Variants in FAM83H observed in about 807,000 individuals in gnomAD.
The protein encoded by FAM83H is scaffolding CK1 anchoring protein H.
A neutral mutation model predicts 30.2 loss-of-function variants in FAM83H; 24 were observed. That is an observed-to-expected ratio of 0.79 (90% confidence interval 0.57 to 1.12). The LOEUF is 1.12. Ranked by LOEUF, FAM83H falls within the 50% of genes most tolerant of loss-of-function variation. The pLI is 0.00. For synonymous variants in FAM83H, 1,013 were observed against 821.7 expected (o/e 1.23, Z -3.98); for missense variants, 2,038 against 1,773.9 (o/e 1.15, Z -2.67).
At chr8:143,730,633 G>T in intron 1 of FAM83H, 36 bp from the exon 2 acceptor site, 3 of 1,399,184 alleles carry the variant, frequency 2.1e-6, no homozygotes, top group Admixed American at 2.3e-5. Flanking sequence ...TAGGGGTGGG[G>T]GCACTGGGAC....
intron 1 of FAM83H, chr8:143,732,286 C>T: frequency 1.0e-6 from 1 of 985,390 alleles, no homozygotes; most frequent in Non-Finnish European, 1.2e-6. Flanking sequence ...GGGCACCGTC[C>T]TCATGGTTGA....
At position 143,730,445 on chromosome 8, in the gene FAM83H, G is replaced by A. The variant is rs1554624166; in HGVS notation, c.138C>T (p.Phe46=). The change falls in exon 2 of 5, where the codon TTC becomes TTT. Residue 46 remains phenylalanine, a synonymous_variant. Transcript: ENST00000388913. ...AGTCTGGTGCCCCCTCGGTAGCGAG[G>A]AAGCGGCTGTAGGCCTCCGAGCCAC... The part of the protein sequence containing the change: ...AEGGSEAYSR[F]LATEGAPDFL... The A allele has an allele frequency of 1.9e-6, 3 of 1,612,102 alleles. No individual in the cohort carries two copies. Among genetic ancestry groups the A allele is most frequent in the Admixed American group, 3.3e-5 (2 of 60,006 alleles).
rs781949444 is a variant in FAM83H at position 143,726,441 on chromosome 8, C to T, written c.3020G>A (p.Gly1007Asp). Residue 1007 changes from glycine to aspartate, a missense_variant, in exon 5 of 5, where the codon GGT becomes GAT. Gly to Asp is a moderately conservative substitution (Grantham distance 94, BLOSUM62 -1). Coordinates refer to ENST00000388913, the MANE Select transcript of FAM83H (RefSeq NM_198488.5). ...ESPRRLSLGQ[G>D]DSTEAATEER... is the part of the protein sequence containing the mutation. ...TTCTGTGGCAGCCTCCGTGCTGTCA[C>T]CCTGGCCCAGTGACAGACGCCGCGG... is the stretch of plus-strand genomic sequence containing the variant. 4 of 1,602,858 alleles carry T rather than the reference C, an allele frequency of 2.5e-6. No homozygotes were observed. The African/African-American group carries it at 4.0e-5, about 16-fold the overall frequency.
In FAM83H at chr8:143,726,990, C is replaced by T. The variant is rs1554622223; in HGVS notation, c.2471G>A (p.Gly824Asp). 1.3e-6 allele frequency: 2 copies of T among 1,593,892 alleles called. No individual in the cohort carries two copies. The highest frequency in any genetic ancestry group is 1.3e-5 in the African/African-American group (1 of 74,554). The change falls in exon 5 of 5, where the codon GGC (glycine) becomes GAC (aspartate). Residue 824 changes from glycine (G) to aspartate (D), a missense_variant. By Grantham distance (94) the Gly-to-Asp change is moderately conservative. Coordinates refer to ENST00000388913, the MANE Select transcript of FAM83H (RefSeq NM_198488.5). ...LTAAQLLDTL[G>D]RSGSDRLPSR... is the part of the protein sequence containing the mutation. ...AGGCAGGCGGTCGGAGCCGCTCCGG[C>T]CCAGTGTGTCGAGCAGCTGCGCCGC...
At position 143,727,434 on chromosome 8, in the gene FAM83H, A is replaced by G; in HGVS notation, c.2027T>C (p.Val676Ala). 6.4e-7 allele frequency: 1 copy of G among 1,572,356 alleles called. No individual in the cohort carries two copies. Residue 676 changes from valine to alanine, a missense_variant, in exon 5 of 5, where the codon GTC becomes GCC. Transcript: ENST00000388913. The part of the protein sequence containing the change: ...DSFRSRLNPL[V>A]QRSSRLRSSL... ...GGAGCGCAGCCTGGAGCTGCGCTGGACCAGGGGGTTCAGGCGCGAGCGGAA... is the reference window on the plus strand; with the variant it reads ...GGAGCGCAGCCTGGAGCTGCGCTGGGCCAGGGGGTTCAGGCGCGAGCGGAA...
Position 143,726,431 on chromosome 8 carries a change from C to T in FAM83H, c.3030G>A (p.Thr1010=), listed in dbSNP as rs372968379. The T allele has an allele frequency of 5.6e-6, 9 of 1,602,892 alleles. No individual in the cohort carries two copies. Among genetic ancestry groups the T allele is most frequent in the East Asian group, 2.2e-5 (1 of 44,642 alleles). ...GACCCCGCTCTTCTGTGGCAGCCTC[C>T]GTGCTGTCACCCTGGCCCAGTGACA... ...RRLSLGQGDS[T]EAATEERGPR... is the part of the protein sequence containing the mutation. Residue 1010 remains threonine, a synonymous_variant, in exon 5 of 5, where the codon ACG becomes ACA. Coordinates refer to ENST00000388913, the MANE Select transcript of FAM83H (RefSeq NM_198488.5).
rs990521598 is a variant in FAM83H, at chr8:143,727,052, C to T, written c.2409G>A (p.Gln803=). Residue 803 remains glutamine, a synonymous_variant, in exon 5 of 5, where the codon CAG becomes CAA. Coordinates refer to ENST00000388913, the MANE Select transcript of FAM83H (RefSeq NM_198488.5). The part of the protein sequence containing the change: ...LRDSFAQQLH[Q]EAERQPGAAS... ...CGGCTCCCGGCTGCCGCTCCGCCTCCTGGTGCAGCTGCTGTGCAAAGGAGT... is the reference window on the plus strand; with the variant it reads ...CGGCTCCCGGCTGCCGCTCCGCCTCTTGGTGCAGCTGCTGTGCAAAGGAGT... 1.9e-5 allele frequency: 29 copies of T among 1,549,922 alleles called. No individual in the cohort carries two copies. The highest frequency in any genetic ancestry group is 2.5e-5 in the Non-Finnish European group (29 of 1,153,594).
chr8:143,732,347 G>A (rs1308329452), intron 1 of FAM83H: 19 of 985,304 alleles, frequency 1.9e-5, no homozygotes, highest in Admixed American at 6.1e-5. Context: ...GGGGCAGATC[G>A]AGGCCAACCA....
rs371289649 is a variant in FAM83H, at chr8:143,728,122, G to C, written c.1339C>G (p.His447Asp). 3.1e-6 allele frequency: 5 copies of C among 1,610,720 alleles called. No individual in the cohort carries two copies. Among genetic ancestry groups the C allele is most frequent in the Non-Finnish European group, 3.4e-6 (4 of 1,179,284 alleles). ...HGDDFRFQTSHFHRDQLYQQQ... is the reference protein window; with the variant it reads ...HGDDFRFQTSDFHRDQLYQQQ... ...TGGTAGAGCTGGTCACGGTGGAAGTGGCTGGTCTGGAAGCGGAAGTCGTCG... is the reference window on the plus strand; with the variant it reads ...TGGTAGAGCTGGTCACGGTGGAAGTCGCTGGTCTGGAAGCGGAAGTCGTCG... The change falls in exon 5 of 5, where the codon CAC becomes GAC. Residue 447 changes from histidine to aspartate, a missense_variant. By Grantham distance (81) the His-to-Asp change is moderately conservative (BLOSUM62 -1). Transcript: ENST00000388913.
At position 143,725,022 on chromosome 8, in the gene FAM83H, C is replaced by G. The variant is rs984238528; in HGVS notation, c.*899G>C. 6.7e-6 allele frequency: 1 copy of G among 149,816 alleles called. No individual in the cohort carries two copies. The highest frequency in any genetic ancestry group is 2.5e-5 in the African/African-American group (1 of 40,476). 9.3% of individuals were successfully genotyped at this position (149,816 alleles called of 1,614,324 possible). A position where few individuals can be genotyped will look rare whatever the true frequency, so the allele number is the denominator to read the frequency against. On this transcript the variant is annotated 3_prime_UTR_variant, in exon 5 of 5. Coordinates refer to ENST00000388913, the MANE Select transcript of FAM83H (RefSeq NM_198488.5). ...CTCCCCCCCCCCTGCCCCACCCACC[C>G]CTTGCAAACTGCCCGCAGCCAGCCC...
In FAM83H at chr8:143,728,610, A is replaced by G. The variant is rs1554623534; in HGVS notation, c.851T>C (p.Leu284Pro). 3.1e-6 allele frequency: 5 copies of G among 1,609,292 alleles called. No individual in the cohort carries two copies. Among genetic ancestry groups the G allele is most frequent in the Admixed American group, 3.3e-5 (2 of 59,718 alleles). The stretch of plus-strand genomic sequence containing the variant: ...GGCCAGGGCCGCGGCCGAGGGCACA[A>G]GCGGCTCGGACTGCGCGAAGAGGAT... Reference protein sequence around the residue: ...FRILFAQSEPLVPSAAALARM... With the variant: ...FRILFAQSEPPVPSAAALARM... The change falls in exon 5 of 5, where the codon CTT becomes CCT. Residue 284 changes from leucine (L) to proline (P), a missense_variant. Coordinates refer to ENST00000388913, the MANE Select transcript of FAM83H (RefSeq NM_198488.5).
Position 143,726,188 on chromosome 8 carries a change from T to C in FAM83H, c.3273A>G (p.Ser1091=). Residue 1091 remains serine, a synonymous_variant, in exon 5 of 5, where the codon TCA becomes TCG. Coordinates refer to ENST00000388913, the MANE Select transcript of FAM83H (RefSeq NM_198488.5). ...CCAAGCTGTCCGAGCGGAAGATGGC[T>C]GAACACTTGTCCTTGTCGGACATAT... The part of the protein sequence containing the change: ...APDMSDKDKC[S]AIFRSDSLGT... The C allele has an allele frequency of 6.2e-7, 1 of 1,612,368 alleles. No individual in the cohort carries two copies. Among genetic ancestry groups the C allele is most frequent in the Non-Finnish European group, 8.5e-7 (1 of 1,179,758 alleles).
In FAM83H at chr8:143,724,184, C is replaced by T. The variant is rs1554620808; in HGVS notation, c.*1737G>A. On this transcript the variant is annotated 3_prime_UTR_variant, in exon 5 of 5. Coordinates refer to ENST00000388913, the MANE Select transcript of FAM83H (RefSeq NM_198488.5). ...CTTCCAGGCACCTTTCCCACCTGGC[C>T]AGAAGTCCCTGCTGTCATCCCGACT... 1.3e-5 allele frequency: 2 copies of T among 152,204 alleles called. No homozygotes were observed. The highest frequency in any genetic ancestry group is 4.8e-5 in the African/African-American group (2 of 41,426). The allele number at this position is 152,204 out of a possible 1,614,324, so 9.4% of individuals were successfully genotyped here. A position where few individuals can be genotyped will look rare whatever the true frequency, so the allele number is the denominator to read the frequency against.
rs782089523 is a variant in FAM83H at position 143,726,918 on chromosome 8, A to G, written c.2543T>C (p.Leu848Pro). The G allele has an allele frequency of 2.5e-6, 4 of 1,612,224 alleles. No homozygotes were observed. The highest frequency in any genetic ancestry group is 2.5e-6 in the Non-Finnish European group (3 of 1,179,774). The change falls in exon 5 of 5, where the codon CTG (leucine) becomes CCG (proline). Residue 848 changes from leucine (L) to proline (P), a missense_variant. Transcript: ENST00000388913. ...AQSHSTSPQG[L>P]DSPLPLEGSG... ...CCCTTCCAGCGGCAGAGGGCTGTCC[A>G]GCCCTTGCGGGGACGTTGAGTGGCT...
chr8:143,732,138 G>A, intron 1 of FAM83H: 1 of 985,442 alleles, frequency 1.0e-6, no homozygotes, highest in Non-Finnish European at 1.2e-6. Context: ...GGCTGAGAAT[G>A]TTGGGGTCAG....
rs782674498 is a variant in FAM83H at position 143,726,817 on chromosome 8, G to A, written c.2644C>T (p.Pro882Ser). 3 of 1,612,868 alleles carry A rather than the reference G, an allele frequency of 1.9e-6. No homozygotes were observed. The highest frequency in any genetic ancestry group is 2.5e-6 in the Non-Finnish European group (3 of 1,179,910). Residue 882 changes from proline to serine, a missense_variant, in exon 5 of 5, where the codon CCC (proline) becomes TCC (serine). Coordinates refer to ENST00000388913, the MANE Select transcript of FAM83H (RefSeq NM_198488.5). ...TSAYPERKGSPTPGFSTRRGS... is the reference protein window; with the variant it reads ...TSAYPERKGSSTPGFSTRRGS... Reference sequence around the variant, plus strand: ...CTTCGAGTGGAAAACCCAGGCGTGGGGCTCCCCTTCCGCTCAGGGTAAGCC... The same window carrying A: ...CTTCGAGTGGAAAACCCAGGCGTGGAGCTCCCCTTCCGCTCAGGGTAAGCC...
rs782294305 is a variant in FAM83H, at chr8:143,726,951, G to C, written c.2510C>G (p.Ser837Cys). The C allele has an allele frequency of 6.2e-7, 1 of 1,610,244 alleles. No homozygotes were observed. Among genetic ancestry groups the C allele is most frequent in the East Asian group, 2.2e-5 (1 of 44,794 alleles). ...GSDRLPSRFL[S>C]AQSHSTSPQG... Reference sequence around the variant, plus strand: ...CGGGGACGTTGAGTGGCTCTGGGCAGAGAGGAAGCGGGAAGGCAGGCGGTC... The same window carrying C: ...CGGGGACGTTGAGTGGCTCTGGGCACAGAGGAAGCGGGAAGGCAGGCGGTC... Residue 837 changes from serine to cysteine, a missense_variant, in exon 5 of 5, where the codon TCT (serine) becomes TGT (cysteine). Coordinates refer to ENST00000388913, the MANE Select transcript of FAM83H (RefSeq NM_198488.5).
At position 143,726,015 on chromosome 8, in the gene FAM83H, C is replaced by T. The variant is rs1818274858; in HGVS notation, c.3446G>A (p.Gly1149Glu). 1.2e-6 allele frequency: 2 copies of T among 1,612,814 alleles called. No individual in the cohort carries two copies. Among genetic ancestry groups the T allele is most frequent in the Non-Finnish European group, 1.7e-6 (2 of 1,179,854 alleles). The change falls in exon 5 of 5, where the codon GGG (glycine) becomes GAG (glutamate). Residue 1149 changes from glycine to glutamate, a missense_variant. Transcript: ENST00000388913. ...FCKKEEASSP[G>E]AGEGPAEEGT... Reference sequence around the variant, plus strand: ...CTCCTCCGCGGGGCCTTCCCCTGCCCCAGGGCTGCTGGCCTCCTCTTTCTT... The same window carrying T: ...CTCCTCCGCGGGGCCTTCCCCTGCCTCAGGGCTGCTGGCCTCCTCTTTCTT...
At chr8:143,732,578 G>C in intron 1 of FAM83H, 1 of 985,416 alleles carries the variant, frequency 1.0e-6, no homozygotes, top group Non-Finnish European at 1.2e-6. Flanking sequence ...AATGGGGGCA[G>C]GGACCATCCA....
Sources: allele counts gnomAD v4.1 joint callset, GRCh38; gene constraint gnomAD v4.1.1; transcripts MANE v1.5; gene names NCBI Gene and HGNC (gene_info 2026-07-23, HGNC 2026-07-21).